The following C2CD3 variants were observed in gnomAD, a reference collection of about 807,000 sequenced individuals.
The protein encoded by C2CD3 is C2 domain containing 3 centriole elongation regulator, also known as C2 domain-containing protein 3.
Under a neutral mutation model 234.0 loss-of-function variants are expected in C2CD3, and 148 were observed. The observed-to-expected ratio is 0.63, with a 90% CI of 0.55 to 0.72. The LOEUF (loss-of-function observed/expected upper bound fraction) is 0.72, where lower values mean the gene tolerates loss of function less well. Ranked by LOEUF, C2CD3 falls within the 30% of genes least tolerant of loss-of-function variation. C2CD3 has a pLI of 0.00. For synonymous variants in C2CD3, 1,000 were observed against 1,035.4 expected (o/e 0.97, Z 0.66); for missense variants, 2,577 against 2,811.5 (o/e 0.92, Z 1.89).
At chr11:74,145,893 C>T (rs1050640591) in intron 3 of C2CD3, among the ~76,000 whole-genome samples, 1 of 152,192 alleles carries the variant, frequency 6.6e-6, no homozygotes, top group African/African-American at 2.4e-5. Flanking sequence ...ACCTATATGT[C>T]CTGAATTGCA....
At chr11:74,122,462 T>C (rs1382913278) in intron 8 of C2CD3, among the ~76,000 whole-genome samples, 2 of 152,134 alleles carry the variant, frequency 1.3e-5, no homozygotes, top group Non-Finnish European at 2.9e-5. Flanking sequence ...GGAACAGGGA[T>C]TGGACATAGT....
intron 28 of C2CD3, among the ~76,000 whole-genome samples, chr11:74,046,271 C>G (rs58358133): frequency 6.6e-6 from 1 of 152,188 alleles, no homozygotes; most frequent in African/African-American, 2.4e-5. Context: ...TAGGCAACCA[C>G]TGATTTGCTT....
chr11:74,059,268 A>G (rs985046829), intron 24 of C2CD3, among the ~76,000 whole-genome samples: 7 of 151,990 alleles, frequency 4.6e-5, no homozygotes, highest in African/African-American at 1.7e-4. Flanking sequence ...AAAATTAGCC[A>G]GGCGTGGTGG....
intron 28 of C2CD3, among the ~76,000 whole-genome samples, chr11:74,044,044 AAAT>A (rs1953223448): frequency 6.6e-6 from 1 of 152,002 alleles, no homozygotes; most frequent in Non-Finnish European, 1.5e-5. Context: ...TCTCTATAAA[AAAT>A]AATAACATGG....
chr11:74,083,554 G>C (rs897402956), intron 22 of C2CD3, among the ~76,000 whole-genome samples: 2 of 152,074 alleles, frequency 1.3e-5, no homozygotes, highest in African/African-American at 4.8e-5. Context: ...CTGACAAAGG[G>C]CTAATATCCA....
intron 24 of C2CD3, among the ~76,000 whole-genome samples, chr11:74,068,915 C>T (rs577323803): frequency 1.3e-4 from 20 of 152,298 alleles, no homozygotes; most frequent in African/African-American, 4.6e-4. Context: ...AAGTGATTCT[C>T]CTGCCTCAGC....
At chr11:74,056,551 C>T (rs1953956707) in intron 25 of C2CD3, among the ~76,000 whole-genome samples, 1 of 152,176 alleles carries the variant, frequency 6.6e-6, no homozygotes, top group South Asian at 2.1e-4. Flanking sequence ...ATGATCCCCA[C>T]TTTACAGATG....
At chr11:74,081,500 T>A (rs1446340369) in intron 22 of C2CD3, among the ~76,000 whole-genome samples, 1 of 152,194 alleles carries the variant, frequency 6.6e-6, no homozygotes, top group Non-Finnish European at 1.5e-5. Flanking sequence ...ATGAAAATAA[T>A]AAGATCCTAT....
At chr11:74,117,535 G>A (rs1332875689) in intron 9 of C2CD3, among the ~76,000 whole-genome samples, 2 of 151,546 alleles carry the variant, frequency 1.3e-5, no homozygotes, top group African/African-American at 4.9e-5. Context: ...TGGAAGCAAA[G>A]CTATGAGGAT....
chr11:74,032,558 C>T (rs1372252225), intron 31 of C2CD3, among the ~76,000 whole-genome samples: 2 of 152,132 alleles, frequency 1.3e-5, no homozygotes, highest in Non-Finnish European at 2.9e-5. Context: ...TGTTTAGCTC[C>T]ATCACTTCCT....
At position 74,037,459 on chromosome 11, in the gene C2CD3, G is replaced by C; in HGVS notation, c.5881+19C>G. ...CCTAGTGACCATAACATCTCAACAA[G>C]AAAGGATCTGAGTCATACCTGTGAT... On this transcript the variant is annotated intron_variant, in intron 30 of 32. Transcript: ENST00000334126. 1 of 1,590,354 alleles carries C rather than the reference G, an allele frequency of 6.3e-7. No homozygotes were observed. Among genetic ancestry groups the C allele is most frequent in the South Asian group, 1.1e-5 (1 of 90,552 alleles).
intron 28 of C2CD3, among the ~76,000 whole-genome samples, chr11:74,043,610 C>T (rs1310078782): frequency 6.6e-6 from 1 of 151,860 alleles, no homozygotes; most frequent in Non-Finnish European, 1.5e-5. Context: ...ATAAGGGTTC[C>T]AATTTATCTA....
intron 26 of C2CD3, among the ~76,000 whole-genome samples, chr11:74,051,396 C>T (rs1565231043): frequency 6.6e-6 from 1 of 152,074 alleles, no homozygotes; most frequent in Non-Finnish European, 1.5e-5. Context: ...GTAATTCTTA[C>T]CCACTGGGGA....
At chr11:74,168,899 A>C (rs1856974534) in intron 1 of C2CD3, among the ~76,000 whole-genome samples, 1 of 152,230 alleles carries the variant, frequency 6.6e-6, no homozygotes, top group Non-Finnish European at 1.5e-5. Flanking sequence ...ACAAAGACAC[A>C]CTAATATAAA....
chr11:74,078,070 AGCAGGTG>A, intron 23 of C2CD3, 38 bp downstream of exon 23: 1 of 1,577,888 alleles, frequency 6.3e-7, no homozygotes. Context: ...TTTGACACAG[AGCAGGTG>A]CTCAAACTAC....
Position 74,098,106 on chromosome 11 carries a change from G to A in C2CD3, c.2882C>T (p.Ala961Val). 1 of 1,613,976 alleles carries A rather than the reference G, an allele frequency of 6.2e-7. No homozygotes were observed. Among genetic ancestry groups the A allele is most frequent in the Non-Finnish European group, 8.5e-7 (1 of 1,179,908 alleles). ...LAMGSSNQIMALQRLKNEEGT... is the reference protein window; with the variant it reads ...LAMGSSNQIMVLQRLKNEEGT... ...TTCTTCATTCTTTAATCTTTGTAGT[G>A]CCATTATTTGATTTGAAGAACCCAT... The change falls in exon 16 of 33, where the codon GCA becomes GTA. Residue 961 changes from alanine (A) to valine (V), a missense_variant. Transcript: ENST00000334126.
chr11:74,065,973 T>C (rs959160593), intron 24 of C2CD3, among the ~76,000 whole-genome samples: 2 of 151,092 alleles, frequency 1.3e-5, no homozygotes, highest in Non-Finnish European at 2.9e-5. Flanking sequence ...AAATGATAAG[T>C]TAACGGGTGC....
chr11:74,078,439 T>TG lies in C2CD3; in HGVS notation c.4278dup (p.Asn1427GlnfsTer5), dbSNP rs984178014. On this transcript the variant is annotated frameshift_variant, in exon 23 of 33. Coordinates refer to ENST00000334126, the MANE Select transcript of C2CD3 (RefSeq NM_001286577.2). LOFTEE classifies it high-confidence loss of function. ...CAATATGTATTCTTATGAATGTGGT[T>TG]GTGGCCAGCAAGCAGCACACAATGG... The TG allele has an allele frequency of 6.2e-7, 1 of 1,614,100 alleles. No homozygotes were observed.
chr11:74,120,320 C>T (rs1399430931), intron 8 of C2CD3, among the ~76,000 whole-genome samples: 2 of 152,014 alleles, frequency 1.3e-5, no homozygotes, highest in African/African-American at 4.8e-5. Flanking sequence ...ATGTTCCCCG[C>T]CCCGTGTCTA....
Sources: allele counts gnomAD v4.1 joint callset (sites outside exome capture counted in the v4.1 genomes callset), GRCh38; gene constraint gnomAD v4.1.1; transcripts MANE v1.5; gene names NCBI Gene and HGNC (gene_info 2026-07-23, HGNC 2026-07-21).